The following NRXN3 variants were observed in gnomAD, a reference collection of about 807,000 sequenced individuals.
NRXN3 encodes neurexin 3, also known as neurexin III.
NRXN3 carries 32 observed loss-of-function variants against 137.6 expected under a neutral mutation model. The observed-to-expected ratio is 0.23, with a 90% CI of 0.18 to 0.31. The LOEUF is 0.31. NRXN3 is among the 10% of genes least tolerant of loss of function. The pLI is 1.00. For synonymous variants in NRXN3, 798 were observed against 784.5 expected, an observed-to-expected ratio of 1.02 and a Z score of -0.29; for missense variants, 1,574 against 2,062.5, an observed-to-expected ratio of 0.76 and a Z score of 4.59.
intron 16 of NRXN3, among the ~76,000 whole-genome samples, chr14:79,606,809 A>T (rs2098025614): frequency 6.6e-6 from 1 of 152,220 alleles, no homozygotes; most frequent in Non-Finnish European, 1.5e-5. Flanking sequence ...CATGGGTACC[A>T]CTGTTCTAGG....
chr14:78,736,847 A>C (rs2098543254), intron 8 of NRXN3, among the ~76,000 whole-genome samples: 1 of 152,224 alleles, frequency 6.6e-6, no homozygotes, highest in African/African-American at 2.4e-5. Context: ...CAGGACAAAA[A>C]TAAAATAGAG....
intron 4 of NRXN3, among the ~76,000 whole-genome samples, chr14:78,525,028 ACTT>A (rs1373542882): frequency 2.6e-5 from 4 of 152,306 alleles, no homozygotes; most frequent in Non-Finnish European, 5.9e-5. Flanking sequence ...TATCTGATCT[ACTT>A]CTCTGACAAT....
At chr14:78,692,463 G>C (rs1411321241) in intron 6 of NRXN3, among the ~76,000 whole-genome samples, 1 of 152,178 alleles carries the variant, frequency 6.6e-6, no homozygotes, top group African/African-American at 2.4e-5. Context: ...CTTTGGTGAG[G>C]TTTTGTTTGC....
chr14:79,327,496 G>A (rs912476043), intron 15 of NRXN3, among the ~76,000 whole-genome samples: 2 of 152,074 alleles, frequency 1.3e-5, no homozygotes, highest in African/African-American at 4.8e-5. Context: ...GGAAATAAGG[G>A]GAGGGCCCAT....
chr14:78,269,690 C>T (rs1469377849), intron 2 of NRXN3, among the ~76,000 whole-genome samples: 1 of 152,182 alleles, frequency 6.6e-6, no homozygotes, highest in South Asian at 2.1e-4. Flanking sequence ...TTCCCACACC[C>T]CGTATCACCA....
chr14:79,086,946 G>C (rs1409409721), intron 15 of NRXN3, among the ~76,000 whole-genome samples: 1 of 152,156 alleles, frequency 6.6e-6, no homozygotes, highest in East Asian at 1.9e-4. Context: ...TTGTCTGTAA[G>C]AGCTCAGGTG....
At chr14:78,721,061 C>T (rs1008420837) in intron 8 of NRXN3, among the ~76,000 whole-genome samples, 1 of 152,102 alleles carries the variant, frequency 6.6e-6, no homozygotes. Context: ...ATGCAATCTA[C>T]CAGTGTCAAT....
chr14:79,703,500 T>TA (rs1254256285), intron 19 of NRXN3, among the ~76,000 whole-genome samples: 2 of 152,072 alleles, frequency 1.3e-5, no homozygotes, highest in African/African-American at 2.4e-5. Flanking sequence ...CACACTGCTA[T>TA]AAAAAACTAC....
chr14:79,015,577 A>G (rs1171644843), intron 15 of NRXN3, among the ~76,000 whole-genome samples: 1 of 152,142 alleles, frequency 6.6e-6, no homozygotes, highest in East Asian at 1.9e-4. Context: ...AGAACTCCCA[A>G]CCCAAAGTAA....
intron 19 of NRXN3, among the ~76,000 whole-genome samples, chr14:79,761,413 C>T (rs935339765): frequency 1.3e-5 from 2 of 151,524 alleles, no homozygotes; most frequent in East Asian, 3.9e-4. Context: ...TGTTATACTC[C>T]AAAACCTTTC....
intron 10 of NRXN3, among the ~76,000 whole-genome samples, chr14:78,949,602 TTA>T (rs1491202282): frequency 0.01 from 1,454 of 140,058 alleles, 17 homozygotes; most frequent in African/African-American, 0.042. Context: ...ATTTTTTTTT[TTA>T]AAAAAAAACT....
Position 78,961,208 on chromosome 14 carries a change from C to T in NRXN3, c.2395+3847C>T, listed in dbSNP as rs142972892. Among the ~76,000 whole-genome samples the T allele has an allele frequency of 3.7e-4, 56 of 152,238 alleles. 1 individual carries two copies. The East Asian group carries it at 6.4e-3, about 17-fold the overall frequency. ...TTCGTTTTCTTAACTTCTCTCCCCACGTCTAAGGGCCATGAAAGGTCAATT... is the reference window on the plus strand; with the variant it reads ...TTCGTTTTCTTAACTTCTCTCCCCATGTCTAAGGGCCATGAAAGGTCAATT... On this transcript the variant is annotated intron_variant, in intron 11 of 20. Coordinates refer to ENST00000335750, the MANE Select transcript of NRXN3 (RefSeq NM_001330195.2).
At chr14:79,400,204 T>C (rs746524399) in intron 15 of NRXN3, among the ~76,000 whole-genome samples, 1 of 152,172 alleles carries the variant, frequency 6.6e-6, no homozygotes, top group African/African-American at 2.4e-5. Context: ...AAATATCCTA[T>C]TGTCTTGTTG....
chr14:78,824,441 G>A (rs970449966), intron 10 of NRXN3, among the ~76,000 whole-genome samples: 8 of 152,058 alleles, frequency 5.3e-5, no homozygotes, highest in African/African-American at 1.7e-4. Flanking sequence ...CATCTAGCAC[G>A]GTGCTAATCA....
chr14:78,698,498 G>C (rs143907221), intron 6 of NRXN3, among the ~76,000 whole-genome samples: 1,837 of 152,074 alleles, frequency 0.012, 40 homozygotes, highest in South Asian at 0.021. Flanking sequence ...TAGGTAGAGA[G>C]GATGAAGGCT....
At chr14:78,336,554 C>T (rs942012102) in intron 4 of NRXN3, among the ~76,000 whole-genome samples, 7 of 152,000 alleles carry the variant, frequency 4.6e-5, no homozygotes, top group Non-Finnish European at 7.4e-5. Context: ...TATTTATGGT[C>T]GAGAAGGGAC....
At chr14:79,688,724 G>T (rs2098704815) in intron 17 of NRXN3, among the ~76,000 whole-genome samples, 1 of 152,142 alleles carries the variant, frequency 6.6e-6, no homozygotes, top group African/African-American at 2.4e-5. Context: ...TCACCTCAAA[G>T]TATTCTGTTC....
chr14:79,280,278 C>A (rs763544820), intron 15 of NRXN3: 2 of 1,613,722 alleles, frequency 1.2e-6, no homozygotes, highest in Non-Finnish European at 1.7e-6. Flanking sequence ...CTGTAGTGGT[C>A]CCGTGCGTTG....
chr14:78,793,063 C>T (rs2098810491), intron 8 of NRXN3, among the ~76,000 whole-genome samples: 1 of 152,126 alleles, frequency 6.6e-6, no homozygotes. Flanking sequence ...ATACCCCATT[C>T]TCCATGATGT....
Sources: gnomAD v4.1 joint callset for allele counts (sites outside exome capture counted in the v4.1 genomes callset) on GRCh38, gnomAD v4.1.1 for gene constraint, MANE v1.5 for transcripts, NCBI Gene and HGNC (gene_info 2026-07-23, HGNC 2026-07-21) for gene names.